Variants in IPO11 observed in about 807,000 individuals in gnomAD.
The protein encoded by IPO11 is importin 11, also known as importin-11.
IPO11 carries 66 observed loss-of-function variants against 143.2 expected under a neutral mutation model. The observed-to-expected ratio is 0.46, with a 90% CI of 0.38 to 0.57. The LOEUF is 0.57. Among genes scored for constraint, IPO11 ranks in the 20% least tolerant of loss-of-function variants. The probability of loss-of-function intolerance (pLI) is 0.00; values close to 1 mark genes in which losing one functional copy is unlikely to be tolerated. For missense variants in IPO11, 1,026 were observed against 1,141.0 expected, an observed-to-expected ratio of 0.90 and a Z score of 1.45; for synonymous variants, 385 against 377.8, an observed-to-expected ratio of 1.02 and a Z score of -0.22.
rs534007413 is a variant in IPO11 at position 62,579,577 on chromosome 5, C to T, written c.2583-12000C>T. The stretch of plus-strand genomic sequence containing the variant: ...CTGCACTGGGAGACAAATTAACTGC[C>T]GTAACTTAGGCCTTTCGAGTATTCC... On this transcript the variant is annotated intron_variant, in intron 27 of 29. Transcript: ENST00000325324. The T allele has an allele frequency of 7.1e-6, 11 of 1,551,142 alleles. No homozygotes were observed. The highest frequency in any genetic ancestry group is 2.4e-5 in the East Asian group (1 of 40,906).
rs1331024350 is a variant in IPO11, at chr5:62,590,848, T to G, written c.2583-729T>G. 3.3e-5 allele frequency among the ~76,000 whole-genome samples: 5 copies of G among 152,328 alleles called. No homozygotes were observed. In the South Asian group the frequency reaches 1.0e-3, roughly 32 times the overall value. ...AATGATTTTGAGCATCCTTTTAGGA[T>G]GCTCACATGCCATCTGTGTATCTTC... On this transcript the variant is annotated intron_variant, in intron 27 of 29. Coordinates refer to ENST00000325324, the MANE Select transcript of IPO11 (RefSeq NM_016338.5).
chr5:62,598,556 T>TC lies in IPO11; in HGVS notation c.2679-3208_2679-3207insC, dbSNP rs200087730. On this transcript the variant is annotated intron_variant, in intron 28 of 29. Transcript: ENST00000325324. Reference sequence around the variant, plus strand: ...CTTTCTTTTCTTTCTTTTCTTTCTTTTTTTTTTTTATGGAGTCTTGCCCTG... The same window carrying TC: ...CTTTCTTTTCTTTCTTTTCTTTCTTTCTTTTTTTTTATGGAGTCTTGCCCTG... Among the ~76,000 whole-genome samples, 10 of 32,866 alleles carry TC rather than the reference T, an allele frequency of 3.0e-4. 1 individual carries two copies. The highest frequency in any genetic ancestry group is 8.1e-4 in the African/African-American group (2 of 2,468). The allele number at this position is 32,866 out of a possible 152,430, so 21.6% of individuals were successfully genotyped here. A position where few individuals can be genotyped will look rare whatever the true frequency, so the allele number is the denominator to read the frequency against.
chr5:62,590,918 T>A (rs909595598), intron 27 of IPO11, among the ~76,000 whole-genome samples: 3 of 152,042 alleles, frequency 2.0e-5, no homozygotes, highest in Admixed American at 6.6e-5. Context: ...TAAAAAAAAA[T>A]GTTTTTGTTC....
intron 18 of IPO11, among the ~76,000 whole-genome samples, 178 bp downstream of exon 18, chr5:62,505,076 T>C (rs1018557675): frequency 1.3e-5 from 2 of 152,204 alleles, no homozygotes; most frequent in African/African-American, 4.8e-5. Flanking sequence ...TTGGTAACTT[T>C]TATTGCTAAC....
chr5:62,600,848 A>G (rs1231361539), intron 28 of IPO11, among the ~76,000 whole-genome samples: 1 of 152,154 alleles, frequency 6.6e-6, no homozygotes, highest in East Asian at 1.9e-4. Context: ...GTCACTCCAA[A>G]CATTGCTTTT....
chr5:62,618,946 A>T (rs540567411), intron 29 of IPO11, among the ~76,000 whole-genome samples: 1 of 152,254 alleles, frequency 6.6e-6, no homozygotes, highest in South Asian at 2.1e-4. Context: ...ATTACTAATG[A>T]CAGGCCGGGC....
At chr5:62,547,245 T>C (rs1457258500) in intron 24 of IPO11, among the ~76,000 whole-genome samples, 1 of 152,166 alleles carries the variant, frequency 6.6e-6, no homozygotes, top group Non-Finnish European at 1.5e-5. Context: ...GAAACTCATA[T>C]GTGTATATGA....
intron 26 of IPO11, among the ~76,000 whole-genome samples, chr5:62,553,424 A>T (rs1055193423): frequency 2.6e-5 from 4 of 151,726 alleles, no homozygotes; most frequent in Admixed American, 6.6e-5. Flanking sequence ...TATCTTGGCT[A>T]TTCTGAACAG....
At chr5:62,507,218 C>G (rs574578223) in intron 19 of IPO11, among the ~76,000 whole-genome samples, 1 of 152,120 alleles carries the variant, frequency 6.6e-6, no homozygotes, top group Non-Finnish European at 1.5e-5. Flanking sequence ...TCAAAGTTCA[C>G]GTATTTTAAT....
At chr5:62,520,157 A>C (rs1157175164) in intron 20 of IPO11, among the ~76,000 whole-genome samples, 1 of 152,190 alleles carries the variant, frequency 6.6e-6, no homozygotes, top group Non-Finnish European at 1.5e-5. Flanking sequence ...CTTTAATTAC[A>C]TCTGTAAATT....
intron 16 of IPO11, among the ~76,000 whole-genome samples, chr5:62,499,121 G>A (rs569087107): frequency 2.0e-4 from 31 of 152,296 alleles, no homozygotes; most frequent in African/African-American, 7.5e-4. Context: ...GTCATGTGCT[G>A]TTTCATGACG....
intron 29 of IPO11, among the ~76,000 whole-genome samples, chr5:62,619,291 T>C (rs961031242): frequency 6.6e-6 from 1 of 152,206 alleles, no homozygotes; most frequent in African/African-American, 2.4e-5. Flanking sequence ...ACTTCTTTCT[T>C]CTTTTGTTCC....
intron 28 of IPO11, among the ~76,000 whole-genome samples, chr5:62,593,625 A>G (rs1745113753): frequency 6.6e-6 from 1 of 152,230 alleles, no homozygotes; most frequent in African/African-American, 2.4e-5. Context: ...TGTTGGAAGT[A>G]AGGAAAACAA....
chr5:62,471,547 T>G (rs1363410976), intron 7 of IPO11, among the ~76,000 whole-genome samples: 2 of 152,300 alleles, frequency 1.3e-5, no homozygotes, highest in Middle Eastern at 3.4e-3. Flanking sequence ...TAAATATCCT[T>G]GAAGACATTT....
intron 29 of IPO11, among the ~76,000 whole-genome samples, chr5:62,615,700 A>C (rs187516601): frequency 6.6e-6 from 1 of 152,348 alleles, no homozygotes; most frequent in East Asian, 1.9e-4. Context: ...AGGTGGCAGA[A>C]GAGTTGGTTT....
intron 7 of IPO11, among the ~76,000 whole-genome samples, chr5:62,472,603 C>T (rs942526646): frequency 6.6e-6 from 1 of 150,686 alleles, no homozygotes; most frequent in African/African-American, 2.4e-5. Context: ...TCTCGGCTCA[C>T]TGCAACCTCT....
At chr5:62,531,006 G>C (rs992491155) in intron 22 of IPO11, among the ~76,000 whole-genome samples, 4 of 152,160 alleles carry the variant, frequency 2.6e-5, no homozygotes, top group African/African-American at 9.7e-5. Flanking sequence ...GTACCTAATA[G>C]TTTTTCAACC....
At chr5:62,582,032 G>A (rs899973547) in intron 27 of IPO11, among the ~76,000 whole-genome samples, 2 of 152,200 alleles carry the variant, frequency 1.3e-5, no homozygotes, top group African/African-American at 4.8e-5. Flanking sequence ...TGTCGTGAAT[G>A]ATGGTGTGCG....
At chr5:62,600,346 T>A (rs772661298) in intron 28 of IPO11, among the ~76,000 whole-genome samples, 1 of 152,172 alleles carries the variant, frequency 6.6e-6, no homozygotes, top group Non-Finnish European at 1.5e-5. Context: ...ATGCCCAGTC[T>A]TAATATGATA....
Sources: allele counts gnomAD v4.1 joint callset (sites outside exome capture counted in the v4.1 genomes callset), GRCh38; gene constraint gnomAD v4.1.1; transcripts MANE v1.5; gene names NCBI Gene and HGNC (gene_info 2026-07-23, HGNC 2026-07-21).